SLC22A23: variants seen among roughly 807,000 people sequenced by gnomAD.
SLC22A23 encodes the protein ion transporter protein.
A neutral mutation model predicts 61.0 loss-of-function variants in SLC22A23; 26 were observed. That is an observed-to-expected ratio of 0.43 (90% CI 0.31 to 0.59). SLC22A23 has a LOEUF of 0.59. Ranked by LOEUF, SLC22A23 falls within the 20% of genes least tolerant of loss-of-function variation. The probability of loss-of-function intolerance (pLI) is 0.11; values close to 1 mark genes in which losing one functional copy is unlikely to be tolerated. For synonymous variants in SLC22A23, 430 were observed against 413.9 expected, an observed-to-expected ratio of 1.04 and a Z score of -0.47; for missense variants, 796 against 934.7, an observed-to-expected ratio of 0.85 and a Z score of 1.94.
In SLC22A23 at chr6:3,283,566, C is replaced by T. The variant is rs78315458; in HGVS notation, c.1703+286G>A. ...CATAAGTGATCCGCTGCACTCCCCCCCTTGCCAGACGCTCAGACACTGACA... is the reference window on the plus strand; with the variant it reads ...CATAAGTGATCCGCTGCACTCCCCCTCTTGCCAGACGCTCAGACACTGACA... On this transcript the variant is annotated intron_variant, in intron 9 of 9. Transcript: ENST00000406686. The T allele has an allele frequency of 5.2e-3, 2,068 of 401,200 alleles. 51 individuals are homozygous for T. Among genetic ancestry groups the T allele is most frequent in the African/African-American group, 0.038 (1,850 of 48,780 alleles). The allele number at this position is 401,200 out of a possible 1,614,324, so 24.9% of individuals were successfully genotyped here.
intron 3 of SLC22A23, among the ~76,000 whole-genome samples, chr6:3,335,186 A>T (rs1037467066): frequency 1.3e-5 from 2 of 152,200 alleles, no homozygotes; most frequent in East Asian, 3.9e-4. Context: ...TTCAAGAAAC[A>T]GGTCTGTGAT....
At chr6:3,354,577 G>A (rs1422456020) in intron 3 of SLC22A23, among the ~76,000 whole-genome samples, 1 of 152,214 alleles carries the variant, frequency 6.6e-6, no homozygotes, top group East Asian at 1.9e-4. Context: ...AGGCACTCAA[G>A]AAAGGATGGG....
chr6:3,357,630 A>C (rs1405408265), intron 3 of SLC22A23, among the ~76,000 whole-genome samples: 1 of 152,228 alleles, frequency 6.6e-6, no homozygotes, highest in Admixed American at 6.5e-5. Flanking sequence ...GTTCTTATTC[A>C]ACAAGCCATG....
chr6:3,347,169 G>A (rs994900437), intron 3 of SLC22A23, among the ~76,000 whole-genome samples: 5 of 152,134 alleles, frequency 3.3e-5, no homozygotes, highest in East Asian at 1.9e-4. Flanking sequence ...AAGTTTGACC[G>A]TGCAGCCACG....
At chr6:3,448,490 G>GT (rs1330467440) in intron 1 of SLC22A23, among the ~76,000 whole-genome samples, 1 of 72,122 alleles carries the variant, frequency 1.4e-5, no homozygotes, top group East Asian at 2.4e-4. Flanking sequence ...ATGTTTTTTT[G>GT]TTTTTTGTTT....
At chr6:3,353,671 C>T (rs961960881) in intron 3 of SLC22A23, among the ~76,000 whole-genome samples, 2 of 152,196 alleles carry the variant, frequency 1.3e-5, no homozygotes, top group South Asian at 2.1e-4. Context: ...GTGCTCGCCT[C>T]GTCCCATTAC....
At position 3,286,837 on chromosome 6, in the gene SLC22A23, C is replaced by T; in HGVS notation, c.1546+22G>A. On this transcript the variant is annotated intron_variant, in intron 7 of 9. Coordinates refer to ENST00000406686, the MANE Select transcript of SLC22A23 (RefSeq NM_015482.2). This position sits in a 1 kb window ranked among gnomAD's most constrained non-coding sequence, Gnocchi z 4.2. ...TGCCAGCTTCCCTCCCTGCACCCAG[C>T]CCACCTCCCCGACCCACTCACGGTT... 6.4e-7 allele frequency: 1 copy of T among 1,562,630 alleles called. No individual in the cohort carries two copies. Among genetic ancestry groups the T allele is most frequent in the Non-Finnish European group, 8.7e-7 (1 of 1,152,152 alleles).
At chr6:3,346,898 A>G (rs1230691778) in intron 3 of SLC22A23, among the ~76,000 whole-genome samples, 1 of 152,210 alleles carries the variant, frequency 6.6e-6, no homozygotes, top group African/African-American at 2.4e-5. Flanking sequence ...AGTAGCATCT[A>G]AAGGACAACA....
At chr6:3,437,645 T>C (rs1581890548) in intron 1 of SLC22A23, among the ~76,000 whole-genome samples, 1 of 151,442 alleles carries the variant, frequency 6.6e-6, no homozygotes, top group South Asian at 2.1e-4. Context: ...GCTGAGATCG[T>C]GCCACTGCAC....
chr6:3,409,611 A>C (rs1769071497), intron 3 of SLC22A23, among the ~76,000 whole-genome samples: 1 of 152,222 alleles, frequency 6.6e-6, no homozygotes, highest in Non-Finnish European at 1.5e-5. Context: ...GTTCTAGCAA[A>C]CACCACCTAC....
In SLC22A23 at chr6:3,387,020, C is replaced by T. The variant is rs924423179; in HGVS notation, c.913+23168G>A. 1.3e-5 allele frequency among the ~76,000 whole-genome samples: 2 copies of T among 152,228 alleles called. No individual in the cohort carries two copies. Among genetic ancestry groups the T allele is most frequent in the East Asian group, 3.8e-4 (2 of 5,200 alleles). On this transcript the variant is annotated intron_variant, in intron 3 of 9. Coordinates refer to ENST00000406686, the MANE Select transcript of SLC22A23 (RefSeq NM_015482.2). The surrounding 1 kb of genome is among the most constrained non-coding windows in gnomAD (Gnocchi z 5.0). The stretch of plus-strand genomic sequence containing the variant: ...TTCACCTTTGTTTCTCAGAAAAACC[C>T]TACTAACCTTTAAAAAATACACACG...
chr6:3,309,728 G>A lies in SLC22A23; in HGVS notation c.1083-11510C>T, dbSNP rs1426510270. On this transcript the variant is annotated intron_variant, in intron 4 of 9. Coordinates refer to ENST00000406686, the MANE Select transcript of SLC22A23 (RefSeq NM_015482.2). This position sits in a 1 kb window ranked among gnomAD's most constrained non-coding sequence, Gnocchi z 4.7. ...TGAAGGGTTACACCACGGTCACACA[G>A]AAGTACCTGCTGCCACAGGGATGGC... Among the ~76,000 whole-genome samples the A allele has an allele frequency of 6.6e-6, 1 of 152,230 alleles. No homozygotes were observed. Among genetic ancestry groups the A allele is most frequent in the African/African-American group, 2.4e-5 (1 of 41,460 alleles).
chr6:3,321,232 A>G (rs935717458), intron 4 of SLC22A23, among the ~76,000 whole-genome samples: 2 of 152,236 alleles, frequency 1.3e-5, no homozygotes, highest in Non-Finnish European at 2.9e-5. Context: ...TTTTACAGAC[A>G]TGAGACAACG....
chr6:3,419,253 A>T (rs1387287530), intron 1 of SLC22A23, among the ~76,000 whole-genome samples: 2 of 152,076 alleles, frequency 1.3e-5, no homozygotes, highest in African/African-American at 4.8e-5. Flanking sequence ...TGCCTTTCAC[A>T]TATATCCTGA....
At chr6:3,283,819 C>T in intron 9 of SLC22A23, 33 bp downstream of exon 9, 2 of 1,612,112 alleles carry the variant, frequency 1.2e-6, no homozygotes, top group Non-Finnish European at 8.5e-7. Flanking sequence ...TTCCGAGAAG[C>T]CGGCGTCCCC....
At chr6:3,373,214 T>C (rs989870386) in intron 3 of SLC22A23, among the ~76,000 whole-genome samples, 1 of 152,232 alleles carries the variant, frequency 6.6e-6, no homozygotes, top group African/African-American at 2.4e-5. Flanking sequence ...AAGTCTCTAG[T>C]GCGATTCCCT....
intron 4 of SLC22A23, among the ~76,000 whole-genome samples, chr6:3,311,099 C>T (rs1762345766): frequency 6.6e-6 from 1 of 152,222 alleles, no homozygotes; most frequent in Non-Finnish European, 1.5e-5. Context: ...GAAACACACA[C>T]AGTGTCTGGG....
intron 3 of SLC22A23, among the ~76,000 whole-genome samples, chr6:3,396,038 C>T (rs1436141781): frequency 4.6e-5 from 7 of 152,200 alleles, no homozygotes; most frequent in Admixed American, 4.6e-4. Flanking sequence ...AAAGATGGGG[C>T]TGTTGGGAAC....
chr6:3,322,018 G>A lies in SLC22A23; in HGVS notation c.1082+1816C>T, dbSNP rs935873269. Among the ~76,000 whole-genome samples, 9 of 152,114 alleles carry A rather than the reference G, an allele frequency of 5.9e-5. No individual in the cohort carries two copies. The highest frequency in any genetic ancestry group is 1.2e-4 in the Non-Finnish European group (8 of 68,028). ...ATTTATTGCATGTACCAGGGTGCCCGGCAGCCTACTTGGCGCTTTGGAGTA... is the reference window on the plus strand; with the variant it reads ...ATTTATTGCATGTACCAGGGTGCCCAGCAGCCTACTTGGCGCTTTGGAGTA... On this transcript the variant is annotated intron_variant, in intron 4 of 9. Transcript: ENST00000406686. This position sits in a 1 kb window ranked among gnomAD's most constrained non-coding sequence, Gnocchi z 4.1.
Sources: allele counts gnomAD v4.1 joint callset (sites outside exome capture counted in the v4.1 genomes callset), GRCh38; gene constraint gnomAD v4.1.1; non-coding constraint Gnocchi (gnomAD v3.1); transcripts MANE v1.5; gene names NCBI Gene and HGNC (gene_info 2026-07-23, HGNC 2026-07-21).